RBPJ: variants seen among roughly 807,000 people sequenced by gnomAD.
RBPJ encodes the protein recombination signal binding protein for immunoglobulin kappa J region, also known as recombining binding protein suppressor of hairless.
In RBPJ, 9 loss-of-function variants were observed where a neutral mutation model predicts 67.8. The observed-to-expected ratio is 0.13, with a 90% CI of 0.08 to 0.23. RBPJ has a LOEUF of 0.23. Ranked by LOEUF, RBPJ falls within the 10% of genes least tolerant of loss-of-function variation. RBPJ has a pLI of 1.00. For synonymous variants in RBPJ, 198 were observed against 203.3 expected (o/e 0.97, Z 0.22); for missense variants, 305 against 595.6 (o/e 0.51, Z 5.08).
Position 26,321,071 on chromosome 4 carries a change from G to T in RBPJ, c.20+23G>T, listed in dbSNP as rs202110273. ...AGGGTAAGTCTGAGGGAATCGGAGCGCCGGGAACCGGGAAAGTTGCGGGCG... is the reference window on the plus strand; with the variant it reads ...AGGGTAAGTCTGAGGGAATCGGAGCTCCGGGAACCGGGAAAGTTGCGGGCG... On this transcript the variant is annotated intron_variant, in intron 1 of 10. Transcript: ENST00000355476. 2.6e-5 allele frequency: 41 copies of T among 1,575,712 alleles called. No individual in the cohort carries two copies. In the African/African-American group the frequency reaches 3.2e-4, roughly 12 times the overall value.
upstream of RBPJ, among the ~76,000 whole-genome samples, chr4:26,318,539 C>G (rs534160774): frequency 6.0e-4 from 91 of 152,310 alleles, no homozygotes; most frequent in African/African-American, 2.0e-3. Flanking sequence ...TGTAAGATTA[C>G]TTCAAAAGGC....
intron 1 of RBPJ, among the ~76,000 whole-genome samples, chr4:26,305,515 T>A (rs1722204229): frequency 6.6e-6 from 1 of 152,172 alleles, no homozygotes; most frequent in South Asian, 2.1e-4. Flanking sequence ...TTTTGTAGAT[T>A]TCAGAGCATA....
At chr4:26,320,958 G>A, upstream of RBPJ, 3 of 1,612,874 alleles carry the variant, frequency 1.9e-6, no homozygotes, top group Non-Finnish European at 1.7e-6. Flanking sequence ...GAAGGGGCGG[G>A]GGAGAGGGAC....
chr4:26,181,087 C>T (rs529550752), intron 1 of RBPJ, among the ~76,000 whole-genome samples: 11 of 152,310 alleles, frequency 7.2e-5, no homozygotes, highest in Non-Finnish European at 1.2e-4. Flanking sequence ...TCCCCAGCCA[C>T]GTGGAACTGT....
At chr4:26,167,130 A>G (rs1716347453) in intron 1 of RBPJ, among the ~76,000 whole-genome samples, 1 of 152,020 alleles carries the variant, frequency 6.6e-6, no homozygotes, top group Non-Finnish European at 1.5e-5. Context: ...CTTGTAGTAT[A>G]GTTTGAAGTC....
intron 1 of RBPJ, among the ~76,000 whole-genome samples, chr4:26,299,540 C>G (rs1378305017): frequency 2.0e-5 from 3 of 151,842 alleles, no homozygotes; most frequent in Admixed American, 1.3e-4. Context: ...ATAAAAATGC[C>G]TCATGTGGGA....
intron 1 of RBPJ, among the ~76,000 whole-genome samples, chr4:26,349,817 C>G (rs1259858471): frequency 2.6e-5 from 4 of 152,190 alleles, no homozygotes; most frequent in Admixed American, 6.5e-5. Context: ...TCTATTACAT[C>G]GGCAGTACTT....
At chr4:26,406,086 G>A (rs1733373128) in intron 2 of RBPJ, 89 bp from the exon 3 acceptor site, 1 of 757,166 alleles carries the variant, frequency 1.3e-6, no homozygotes, top group Non-Finnish European at 2.2e-6. Flanking sequence ...ATATTTATAA[G>A]CATTCCTCTC....
At chr4:26,362,066 A>G (rs572256081) in intron 1 of RBPJ, among the ~76,000 whole-genome samples, 3 of 152,218 alleles carry the variant, frequency 2.0e-5, no homozygotes, top group Admixed American at 6.5e-5. Flanking sequence ...TGCCTAGTCT[A>G]TTAATCAGTT....
At chr4:26,170,555 A>AAG (rs35989632) in intron 1 of RBPJ, among the ~76,000 whole-genome samples, 17,230 of 150,804 alleles carry the variant, frequency 0.11, 1,364 homozygotes, top group African/African-American at 0.21. Flanking sequence ...AAAAAAAAAA[A>AAG]AGGAATGGAA....
In RBPJ at chr4:26,430,217, G is replaced by A; in HGVS notation, c.1044+164G>A. The A allele has an allele frequency of 1.1e-6, 1 of 919,296 alleles. No homozygotes were observed. The highest frequency in any genetic ancestry group is 1.5e-5 in the South Asian group (1 of 64,976). The allele number at this position is 919,296 out of a possible 1,614,324, so 56.9% of individuals were successfully genotyped here. A position where few individuals can be genotyped will look rare whatever the true frequency, so the allele number is the denominator to read the frequency against. On this transcript the variant is annotated intron_variant, in intron 9 of 10. Transcript: ENST00000355476. This position sits in a 1 kb window ranked among gnomAD's most constrained non-coding sequence, Gnocchi z 4.1. ...ATTTAAAGAAAAAAAAACAAAATTA[G>A]GAGGAGCGTACTTGCCAGAAAATTT...
chr4:26,147,775 A>C, the RBPJ span, among the ~76,000 whole-genome samples: 1 of 152,218 alleles, frequency 6.6e-6, no homozygotes, highest in African/African-American at 2.4e-5. Context: ...AAACACAATA[A>C]AAATCCATGA....
chr4:26,242,307 G>A (rs1719667193), intron 1 of RBPJ, among the ~76,000 whole-genome samples: 1 of 152,048 alleles, frequency 6.6e-6, no homozygotes. Flanking sequence ...AATTAGCCGG[G>A]CATGGTGGCG....
chr4:26,204,303 A>C (rs1456955812), intron 1 of RBPJ, among the ~76,000 whole-genome samples: 1 of 152,122 alleles, frequency 6.6e-6, no homozygotes, highest in African/African-American at 2.4e-5. Flanking sequence ...TAGTTTTTGC[A>C]CTCAAAAAAT....
chr4:26,188,801 G>T (rs1325531623), intron 1 of RBPJ, among the ~76,000 whole-genome samples: 1 of 152,040 alleles, frequency 6.6e-6, no homozygotes, highest in East Asian at 1.9e-4. Flanking sequence ...AAACCACTGA[G>T]GAATAAATTA....
At chr4:26,237,838 C>A (rs959953282) in intron 1 of RBPJ, among the ~76,000 whole-genome samples, 5 of 152,082 alleles carry the variant, frequency 3.3e-5, no homozygotes, top group African/African-American at 1.2e-4. Flanking sequence ...CTTTGAGTTC[C>A]AATCCTAGCT....
At chr4:26,279,774 G>A (rs1163643146) in intron 1 of RBPJ, among the ~76,000 whole-genome samples, 4 of 143,910 alleles carry the variant, frequency 2.8e-5, no homozygotes, top group African/African-American at 1.0e-4. Context: ...TGTGAGTGAA[G>A]TTGAAATTGT....
At chr4:26,186,702 T>G (rs1717277612) in intron 1 of RBPJ, among the ~76,000 whole-genome samples, 1 of 152,214 alleles carries the variant, frequency 6.6e-6, no homozygotes. Flanking sequence ...TTCACTCTAG[T>G]ATTCGCTAAA....
chr4:26,185,118 G>C (rs1158268955), intron 1 of RBPJ, among the ~76,000 whole-genome samples: 2 of 150,214 alleles, frequency 1.3e-5, no homozygotes, highest in East Asian at 3.9e-4. Flanking sequence ...CTCCAGCCTA[G>C]GGGATAGAGT....
Sources: allele counts gnomAD v4.1 joint callset (sites outside exome capture counted in the v4.1 genomes callset), GRCh38; gene constraint gnomAD v4.1.1; non-coding constraint Gnocchi (gnomAD v3.1); transcripts MANE v1.5; gene names NCBI Gene and HGNC (gene_info 2026-07-23, HGNC 2026-07-21).